KBTBD11: variants seen among roughly 807,000 people sequenced by gnomAD.
KBTBD11 encodes kelch repeat and BTB domain containing 11, also known as kelch repeat and BTB domain-containing protein 11.
For synonymous variants in KBTBD11, 747 were observed against 499.0 expected (o/e 1.50, Z -6.63); for missense variants, 1,390 against 1,001.8 (o/e 1.39, Z -5.23).
Position 1,993,922 on chromosome 8 carries a change from T to C in KBTBD11, c.-908-6363T>C, listed in dbSNP as rs1049551559. On this transcript the variant is annotated intron_variant, in intron 1 of 1. Transcript: ENST00000320248. ...CAATATATGAATACACAATACCCCC[T>C]ACACACACACACACACACACACACA... is the stretch of plus-strand genomic sequence containing the variant. 2.9e-4 allele frequency among the ~76,000 whole-genome samples: 40 copies of C among 139,764 alleles called. 1 individual carries two copies. The East Asian group carries it at 5.9e-3, about 21-fold the overall frequency. 91.7% of individuals were successfully genotyped at this position (139,764 alleles called of 152,430 possible). A position where few individuals can be genotyped will look rare whatever the true frequency, so the allele number is the denominator to read the frequency against.
In KBTBD11 at chr8:2,005,689, G is replaced by T. The variant is rs577235927; in HGVS notation, c.*2625G>T. 27 of 167,220 alleles carry T rather than the reference G, an allele frequency of 1.6e-4. No homozygotes were observed. The highest frequency in any genetic ancestry group is 6.3e-4 in the African/African-American group (26 of 41,576). 10.4% of individuals were successfully genotyped at this position (167,220 alleles called of 1,614,324 possible). On this transcript the variant is annotated 3_prime_UTR_variant, in exon 2 of 2. Coordinates refer to ENST00000320248, the MANE Select transcript of KBTBD11 (RefSeq NM_014867.3). The stretch of plus-strand genomic sequence containing the variant: ...CATCCACCCATTAAAATAGTTAGAT[G>T]AGGCTATTGCCTTGATGACAGCTGT...
In KBTBD11 at chr8:1,973,716, C is replaced by T; in HGVS notation, c.-1128C>T. The T allele has an allele frequency of 2.0e-6, 2 of 983,830 alleles. No individual in the cohort carries two copies. Among genetic ancestry groups the T allele is most frequent in the South Asian group, 4.7e-5 (1 of 21,288 alleles). The allele number at this position is 983,830 out of a possible 1,614,324, so 60.9% of individuals were successfully genotyped here. ...CCCCTCGCAGCCTGGAGCCGGAGCGCTGGCTCCGCGCGGCCTGGAGAGGCG... is the reference window on the plus strand; with the variant it reads ...CCCCTCGCAGCCTGGAGCCGGAGCGTTGGCTCCGCGCGGCCTGGAGAGGCG... On this transcript the variant is annotated 5_prime_UTR_variant, in exon 1 of 2. Transcript: ENST00000320248.
In KBTBD11 at chr8:2,005,989, C is replaced by A. The variant is rs182776040; in HGVS notation, c.*2925C>A. 3 of 167,226 alleles carry A rather than the reference C, an allele frequency of 1.8e-5. No homozygotes were observed. The East Asian group carries it at 5.8e-4, about 32-fold the overall frequency. 10.4% of individuals were successfully genotyped at this position (167,226 alleles called of 1,614,324 possible). ...TTCCTCTTGGGAACATCCCTCCACT[C>A]CGCACTGCTTCCTGCAGCTTTGTAG... On this transcript the variant is annotated 3_prime_UTR_variant, in exon 2 of 2. Transcript: ENST00000320248.
At chr8:1,997,133 C>G (rs1194159690) in intron 1 of KBTBD11, among the ~76,000 whole-genome samples, 1 of 152,120 alleles carries the variant, frequency 6.6e-6, no homozygotes, top group African/African-American at 2.4e-5. Context: ...CTTCCAAACC[C>G]TCCGGCGGGG....
Position 2,001,725 on chromosome 8 carries a change from G to T in KBTBD11, c.533G>T (p.Gly178Val). Residue 178 changes from glycine to valine, a missense_variant, in exon 2 of 2, where the codon GGA becomes GTA. Physicochemically the swap from Gly to Val is moderately radical, Grantham distance 109 (BLOSUM62 -3). Coordinates refer to ENST00000320248, the MANE Select transcript of KBTBD11 (RefSeq NM_014867.3). Reference sequence around the variant, plus strand: ...TCGCGGGACGTGCTGCGGGTGCAGGGAGTGAGCCTGACGGCGCTGCGGCTG... The same window carrying T: ...TCGCGGGACGTGCTGCGGGTGCAGGTAGTGAGCCTGACGGCGCTGCGGCTG... The part of the protein sequence containing the change: ...RASRDVLRVQ[G>V]VSLTALRLLL... 2.9e-6 allele frequency: 4 copies of T among 1,387,574 alleles called. No individual in the cohort carries two copies. Among genetic ancestry groups the T allele is most frequent in the Non-Finnish European group, 3.7e-6 (4 of 1,073,964 alleles). The allele number at this position is 1,387,574 out of a possible 1,614,324, so 86.0% of individuals were successfully genotyped here.
chr8:1,989,923 G>GGT (rs34692866), intron 1 of KBTBD11, among the ~76,000 whole-genome samples: 3 of 71,732 alleles, frequency 4.2e-5, no homozygotes, highest in African/African-American at 1.8e-4. Context: ...GTCTCAGGTG[G>GGT]TTTTTTTTTT....
chr8:1,977,314 C>T (rs892254022), intron 1 of KBTBD11, among the ~76,000 whole-genome samples: 1 of 152,094 alleles, frequency 6.6e-6, no homozygotes, highest in Admixed American at 6.6e-5. Context: ...TGAAAAACCA[C>T]GGTGCCGATG....
Position 2,005,808 on chromosome 8 carries a change from T to C in KBTBD11, c.*2744T>C, listed in dbSNP as rs1349684869. The C allele has an allele frequency of 1.3e-4, 22 of 167,132 alleles. No homozygotes were observed. The allele number at this position is 167,132 out of a possible 1,614,324, so 10.4% of individuals were successfully genotyped here. A position where few individuals can be genotyped will look rare whatever the true frequency, so the allele number is the denominator to read the frequency against. Reference sequence around the variant, plus strand: ...ATACGCAGGGGCCTTTCCAAATGTCTGAAAAGGCAGTGGTGTCTTTTGGGG... The same window carrying C: ...ATACGCAGGGGCCTTTCCAAATGTCCGAAAAGGCAGTGGTGTCTTTTGGGG... On this transcript the variant is annotated 3_prime_UTR_variant, in exon 2 of 2. Coordinates refer to ENST00000320248, the MANE Select transcript of KBTBD11 (RefSeq NM_014867.3).
chr8:1,978,694 C>T (rs1174330822), intron 1 of KBTBD11, among the ~76,000 whole-genome samples: 1 of 152,180 alleles, frequency 6.6e-6, no homozygotes, highest in East Asian at 1.9e-4. Context: ...ACTGTGAGCG[C>T]AGGGGAATCT....
rs1816209143 is a variant in KBTBD11, at chr8:1,973,876, G to A, written c.-968G>A. The stretch of plus-strand genomic sequence containing the variant: ...CGGGAAGCGGCCGCGCGCATGCGCC[G>A]GAGCCCACCCGCCTGGCTGCGCGTC... On this transcript the variant is annotated 5_prime_UTR_variant, in exon 1 of 2. Coordinates refer to ENST00000320248, the MANE Select transcript of KBTBD11 (RefSeq NM_014867.3). 2.0e-6 allele frequency: 2 copies of A among 982,912 alleles called. No homozygotes were observed. The highest frequency in any genetic ancestry group is 2.4e-6 in the Non-Finnish European group (2 of 829,000). 60.9% of individuals were successfully genotyped at this position (982,912 alleles called of 1,614,324 possible). A position where few individuals can be genotyped will look rare whatever the true frequency, so the allele number is the denominator to read the frequency against.
chr8:2,002,119 C>T lies in KBTBD11; in HGVS notation c.927C>T (p.Gly309=), dbSNP rs1183914641. ...TCGGGCCGGCGGGGGAGCGCGCGGG[C>T]AGCCGGCCTCAGAGCCCCTCGGGGG... is the stretch of plus-strand genomic sequence containing the variant. ...AALGPAGERA[G]SRPQSPSGDA... The change falls in exon 2 of 2, where the codon GGC becomes GGT. Residue 309 remains glycine, a synonymous_variant. Transcript: ENST00000320248. The surrounding 1 kb of genome is among the most constrained non-coding windows in gnomAD (Gnocchi z 4.1). The T allele has an allele frequency of 2.7e-6, 3 of 1,109,412 alleles. No homozygotes were observed. Among genetic ancestry groups the T allele is most frequent in the African/African-American group, 3.4e-5 (2 of 59,664 alleles). The allele number at this position is 1,109,412 out of a possible 1,614,324, so 68.7% of individuals were successfully genotyped here. A position where few individuals can be genotyped will look rare whatever the true frequency, so the allele number is the denominator to read the frequency against.
Position 2,002,997 on chromosome 8 carries a change from G to C in KBTBD11, c.1805G>C (p.Gly602Ala). The C allele has an allele frequency of 7.7e-7, 1 of 1,306,642 alleles. No homozygotes were observed. The highest frequency in any genetic ancestry group is 9.7e-7 in the Non-Finnish European group (1 of 1,028,786). The allele number at this position is 1,306,642 out of a possible 1,614,324, so 80.9% of individuals were successfully genotyped here. ...EALGAPLDVRGVLIPFALSLP... is the reference protein window; with the variant it reads ...EALGAPLDVRAVLIPFALSLP... ...CTGGGCGCCCCCTTGGACGTCCGGG[G>C]TGTGCTCATCCCGTTCGCTCTCAGC... The change falls in exon 2 of 2, where the codon GGT (glycine) becomes GCT (alanine). Residue 602 changes from glycine (G) to alanine (A), a missense_variant. By Grantham distance (60) the Gly-to-Ala change is moderately conservative. Transcript: ENST00000320248. The surrounding 1 kb of genome is among the most constrained non-coding windows in gnomAD (Gnocchi z 4.1).
Position 2,001,135 on chromosome 8 carries a change from C to CCAGA in KBTBD11, c.-56_-53dup, listed in dbSNP as rs1817328149. The CCAGA allele has an allele frequency of 1.6e-5, 20 of 1,285,196 alleles. No homozygotes were observed. Among genetic ancestry groups the CCAGA allele is most frequent in the Non-Finnish European group, 1.9e-5 (19 of 1,016,920 alleles). 79.6% of individuals were successfully genotyped at this position (1,285,196 alleles called of 1,614,324 possible). On this transcript the variant is annotated 5_prime_UTR_variant, in exon 2 of 2. Coordinates refer to ENST00000320248, the MANE Select transcript of KBTBD11 (RefSeq NM_014867.3). ...ACCCCGGAGTAAGGCTCGACCTTGG[C>CCAGA]CAGACCTGCAGGCTGCGGAACCGGG... is the stretch of plus-strand genomic sequence containing the variant.
intron 1 of KBTBD11, among the ~76,000 whole-genome samples, chr8:1,984,279 GTTTTTTTTTTTTTT>G (rs71211539): frequency 2.6e-4 from 26 of 98,554 alleles, no homozygotes; most frequent in African/African-American, 1.1e-3. Flanking sequence ...CTCTAAAAAA[GTTTTTTTTTTTTTT>G]TTTTTTTTTT....
chr8:2,001,387 G>A lies in KBTBD11; in HGVS notation c.195G>A (p.Pro65=), dbSNP rs1192890182. ...ASAAEGAATS[P]PSSGGPRVVE... The stretch of plus-strand genomic sequence containing the variant: ...CGGCGGAAGGCGCGGCCACCTCCCC[G>A]CCCTCCAGCGGTGGCCCGCGGGTGG... Residue 65 remains proline (P), a synonymous_variant, in exon 2 of 2, where the codon CCG becomes CCA. Transcript: ENST00000320248. 2.1e-6 allele frequency: 3 copies of A among 1,452,370 alleles called. No individual in the cohort carries two copies. Among genetic ancestry groups the A allele is most frequent in the East Asian group, 3.0e-5 (1 of 33,828 alleles). The allele number at this position is 1,452,370 out of a possible 1,614,324, so 90.0% of individuals were successfully genotyped here.
chr8:1,992,316 A>G (rs962278257), intron 1 of KBTBD11, among the ~76,000 whole-genome samples: 1 of 152,142 alleles, frequency 6.6e-6, no homozygotes, highest in African/African-American at 2.4e-5. Flanking sequence ...TCCTGCACAC[A>G]GTACAAAAGC....
intron 1 of KBTBD11, among the ~76,000 whole-genome samples, chr8:1,992,327 A>C (rs550230534): frequency 6.6e-6 from 1 of 152,262 alleles, no homozygotes; most frequent in East Asian, 1.9e-4. Flanking sequence ...GTACAAAAGC[A>C]CAAATGTTAA....
Position 2,005,611 on chromosome 8 carries a change from A to C in KBTBD11, c.*2547A>C, listed in dbSNP as rs1817549888. The C allele has an allele frequency of 6.0e-6, 1 of 167,122 alleles. No individual in the cohort carries two copies. The highest frequency in any genetic ancestry group is 1.5e-5 in the Non-Finnish European group (1 of 68,130). 10.4% of individuals were successfully genotyped at this position (167,122 alleles called of 1,614,324 possible). On this transcript the variant is annotated 3_prime_UTR_variant, in exon 2 of 2. Coordinates refer to ENST00000320248, the MANE Select transcript of KBTBD11 (RefSeq NM_014867.3). ...TTTTCCAATTCAAAGTGGTGTTCTA[A>C]GTCTGCGTCCAACACTGTGTAGGAA... is the stretch of plus-strand genomic sequence containing the variant.
rs1296824343 is a variant in KBTBD11, at chr8:2,003,037, G to A, written c.1845G>A (p.Pro615=). 4 of 1,273,162 alleles carry A rather than the reference G, an allele frequency of 3.1e-6. No homozygotes were observed. The highest frequency in any genetic ancestry group is 3.1e-5 in the African/African-American group (2 of 64,610). The allele number at this position is 1,273,162 out of a possible 1,614,324, so 78.9% of individuals were successfully genotyped here. The part of the protein sequence containing the change: ...IPFALSLPEK[P]PRGEQGAP ...TCGCTCTCAGCCTGCCTGAGAAGCC[G>A]CCCCGAGGGGAGCAGGGCGCCCCGT... Residue 615 remains proline (P), a synonymous_variant, in exon 2 of 2, where the codon CCG becomes CCA. Transcript: ENST00000320248.
Sources: gnomAD v4.1 joint callset for allele counts (sites outside exome capture counted in the v4.1 genomes callset) on GRCh38, gnomAD v4.1.1 for gene constraint, Gnocchi (gnomAD v3.1) non-coding constraint, MANE v1.5 for transcripts, NCBI Gene and HGNC (gene_info 2026-07-23, HGNC 2026-07-21) for gene names.